RIC1: variants seen among roughly 807,000 people sequenced by gnomAD.
RIC1 encodes guanine nucleotide exchange factor subunit RIC1.
A neutral mutation model predicts 169.0 loss-of-function variants in RIC1; 88 were observed. That is an observed-to-expected ratio of 0.52 (90% CI 0.44 to 0.62). RIC1 has a LOEUF of 0.62. Among genes scored for constraint, RIC1 ranks in the 20% least tolerant of loss-of-function variants. The probability of loss-of-function intolerance (pLI) is 0.00; values close to 1 mark genes in which losing one functional copy is unlikely to be tolerated. For synonymous variants in RIC1, 790 were observed against 601.5 expected (o/e 1.31, Z -4.59); for missense variants, 1,877 against 1,725.5 (o/e 1.09, Z -1.56).
At chr9:5,757,553 T>A in intron 17 of RIC1, 102 bp downstream of exon 17, 1 of 1,224,858 alleles carries the variant, frequency 8.2e-7, no homozygotes, top group Non-Finnish European at 1.2e-6. Context: ...ACTAAGTGTC[T>A]AAAATGTACC....
chr9:5,712,578 A>T (rs1822998731), intron 3 of RIC1, among the ~76,000 whole-genome samples: 1 of 152,220 alleles, frequency 6.6e-6, no homozygotes, highest in South Asian at 2.1e-4. Context: ...TTAAGTTTCC[A>T]CTGAAAGGAG....
chr9:5,639,765 G>A (rs959783524), intron 1 of RIC1, among the ~76,000 whole-genome samples: 1 of 152,076 alleles, frequency 6.6e-6, no homozygotes, highest in African/African-American at 2.4e-5. Context: ...TGGGTGTGTT[G>A]GGTGCATATG....
intron 3 of RIC1, among the ~76,000 whole-genome samples, chr9:5,700,831 A>G (rs1389427463): frequency 6.6e-6 from 1 of 152,222 alleles, no homozygotes; most frequent in Non-Finnish European, 1.5e-5. Context: ...TAATCTTAAT[A>G]AAAGTTAGAA....
At chr9:5,715,243 C>T (rs1823160415) in intron 4 of RIC1, among the ~76,000 whole-genome samples, 2 of 152,152 alleles carry the variant, frequency 1.3e-5, no homozygotes, top group South Asian at 4.1e-4. Flanking sequence ...TTCTGAGTGT[C>T]TGTAGGTACC....
rs747623951 is a variant in RIC1 at position 5,689,949 on chromosome 9, T to G, written c.253-10T>G. 1.3e-6 allele frequency: 2 copies of G among 1,557,044 alleles called. No individual in the cohort carries two copies. Among genetic ancestry groups the G allele is most frequent in the Non-Finnish European group, 1.8e-6 (2 of 1,139,446 alleles). ...TCTTTAATTCATGATTAATAAAATT[T>G]CTCTTTCAGACGGCAAATGGATACA... On this transcript the variant is annotated splice_polypyrimidine_tract_variant and intron_variant, in intron 2 of 25. Transcript: ENST00000414202.
intron 3 of RIC1, among the ~76,000 whole-genome samples, chr9:5,707,095 C>T (rs746325758): frequency 1.3e-5 from 2 of 152,048 alleles, no homozygotes; most frequent in Non-Finnish European, 2.9e-5. Flanking sequence ...TGTTTGTTTT[C>T]ATTAGTTTCA....
chr9:5,713,609 C>CTAA, intron 3 of RIC1: 1 of 246,588 alleles, frequency 4.1e-6, no homozygotes, highest in Non-Finnish European at 7.9e-6. Context: ...TGTTGGTTCT[C>CTAA]TTTAGAGTTA....
chr9:5,728,541 C>A (rs1276174944), intron 6 of RIC1, among the ~76,000 whole-genome samples: 2 of 152,238 alleles, frequency 1.3e-5, no homozygotes, highest in African/African-American at 2.4e-5. Flanking sequence ...ATGGGCTGCA[C>A]CCACTGTCTG....
intron 2 of RIC1, among the ~76,000 whole-genome samples, chr9:5,687,619 G>A (rs948404366): frequency 2.6e-5 from 4 of 152,002 alleles, no homozygotes; most frequent in Admixed American, 1.3e-4. Context: ...ATATTTGTGG[G>A]CTTTCCAGAA....
Position 5,720,245 on chromosome 9 carries a change from C to G in RIC1, c.504C>G (p.His168Gln), listed in dbSNP as rs1823504555. ...CTGATGGACTTCTTCATCTTATTCA[C>G]TGGGAAGGAATGACAAATGGAAGGA... ...ATSDGLLHLI[H>Q]WEGMTNGRKA... Residue 168 changes from histidine to glutamine, a missense_variant, in exon 5 of 26, where the codon CAC becomes CAG. By Grantham distance (24) the His-to-Gln change is conservative. Transcript: ENST00000414202. The G allele has an allele frequency of 6.2e-7, 1 of 1,613,118 alleles. No individual in the cohort carries two copies. The highest frequency in any genetic ancestry group is 8.5e-7 in the Non-Finnish European group (1 of 1,179,100).
chr9:5,741,732 C>T (rs1159552633), intron 8 of RIC1, among the ~76,000 whole-genome samples: 1 of 152,072 alleles, frequency 6.6e-6, no homozygotes, highest in Middle Eastern at 3.2e-3. Context: ...ATTTTATATT[C>T]TGTGTCTGTT....
chr9:5,734,604 GT>G (rs35899305), intron 7 of RIC1, among the ~76,000 whole-genome samples: 75,260 of 151,844 alleles, frequency 0.5, 19,154 homozygotes, highest in East Asian at 0.85. Flanking sequence ...GATATTCATA[GT>G]TTTAACGTTG....
chr9:5,670,881 T>C (rs1176202146), intron 2 of RIC1, among the ~76,000 whole-genome samples: 1 of 152,100 alleles, frequency 6.6e-6, no homozygotes, highest in Non-Finnish European at 1.5e-5. Context: ...TGCTGCTGAT[T>C]GGTTAGGGAG....
intron 10 of RIC1, 54 bp from the exon 11 acceptor site, chr9:5,745,877 A>T: frequency 6.7e-7 from 1 of 1,483,874 alleles, no homozygotes; most frequent in East Asian, 2.3e-5. Context: ...CTAGAAAGGG[A>T]TACAAAAGCC....
intron 19 of RIC1, chr9:5,765,210 G>C (rs117474629): frequency 0.038 from 20,242 of 530,034 alleles, 510 homozygotes; most frequent in Non-Finnish European, 0.049. Flanking sequence ...CATGTAGTAG[G>C]AGTTTAATAA....
At chr9:5,684,228 T>A (rs1821056617) in intron 2 of RIC1, among the ~76,000 whole-genome samples, 1 of 136,494 alleles carries the variant, frequency 7.3e-6, no homozygotes, top group South Asian at 2.6e-4. Context: ...TTGCTCATGC[T>A]GGGAGCTGTA....
chr9:5,643,215 G>C (rs925633499), intron 1 of RIC1, among the ~76,000 whole-genome samples: 6 of 152,172 alleles, frequency 3.9e-5, no homozygotes, highest in African/African-American at 1.4e-4. Context: ...GCTGAGGTGG[G>C]AGGATTGTTT....
At chr9:5,764,586 T>C (rs1367875184) in intron 19 of RIC1, among the ~76,000 whole-genome samples, 1 of 152,248 alleles carries the variant, frequency 6.6e-6, no homozygotes. Flanking sequence ...TTTCAATCTC[T>C]GCCTGAAGCA....
intron 2 of RIC1, among the ~76,000 whole-genome samples, chr9:5,665,098 C>T (rs2130518914): frequency 6.6e-6 from 1 of 151,846 alleles, no homozygotes; most frequent in South Asian, 2.1e-4. Context: ...GGTGTTCCTA[C>T]ATTGGGAGCG....
Sources: gnomAD v4.1 joint callset for allele counts (sites outside exome capture counted in the v4.1 genomes callset) on GRCh38, gnomAD v4.1.1 for gene constraint, MANE v1.5 for transcripts, NCBI Gene and HGNC (gene_info 2026-07-23, HGNC 2026-07-21) for gene names.